SPMIP1: variants seen among roughly 807,000 people sequenced by gnomAD.
SPMIP1 encodes protein SPMIP1.
chr7:128,866,835 G>A, the SPMIP1 span: 19 of 1,528,950 alleles, frequency 1.2e-5, no homozygotes, highest in Non-Finnish European at 1.5e-5. Flanking sequence ...AGCTGGGTGA[G>A]CCCAACCTCT....
At chr7:128,867,834 T>C in the SPMIP1 span, among the ~76,000 whole-genome samples, 1 of 152,152 alleles carries the variant, frequency 6.6e-6, no homozygotes, top group East Asian at 1.9e-4. Context: ...CCTCCCAAAG[T>C]TCTGGGATTA....
the SPMIP1 span, chr7:128,869,487 C>CG: frequency 6.6e-6 from 1 of 152,316 alleles, no homozygotes; most frequent in African/African-American, 2.4e-5. Flanking sequence ...GGGAGCCCCA[C>CG]GGGGTGAACC....
chr7:128,870,139 CCTT>C, the SPMIP1 span: 2 of 152,264 alleles, frequency 1.3e-5, no homozygotes, highest in Non-Finnish European at 2.9e-5. Flanking sequence ...GCGTGGTAGT[CCTT>C]CTCCGGAGGT....
At chr7:128,868,645 G>A in the SPMIP1 span, 2 of 1,494,676 alleles carry the variant, frequency 1.3e-6, no homozygotes, top group East Asian at 2.5e-5. Flanking sequence ...CCCATGCTTG[G>A]CCTCTGACAT....
chr7:128,866,352 C>T, the SPMIP1 span: 1 of 1,366,690 alleles, frequency 7.3e-7, no homozygotes. Flanking sequence ...AAGCACTCTG[C>T]TTGCTGTGCT....
the SPMIP1 span, chr7:128,866,606 C>T: frequency 1.9e-5 from 29 of 1,533,512 alleles, no homozygotes; most frequent in Non-Finnish European, 2.4e-5. Context: ...TCACCCCCAC[C>T]CGCCCCCAAG....
At chr7:128,868,572 C>T in the SPMIP1 span, 1 of 703,338 alleles carries the variant, frequency 1.4e-6, no homozygotes, top group South Asian at 2.1e-5. Context: ...ACTCCACTGA[C>T]GGATTCCTAG....
the SPMIP1 span, chr7:128,868,872 C>G: frequency 2.6e-6 from 2 of 777,988 alleles, no homozygotes; most frequent in South Asian, 3.6e-5. Flanking sequence ...TCTGCTCTCC[C>G]TGTCCCTGAG....
the SPMIP1 span, chr7:128,871,361 G>A: frequency 6.6e-6 from 1 of 152,178 alleles, no homozygotes; most frequent in Non-Finnish European, 1.5e-5. Context: ...GCCCTGGTGT[G>A]CCCATCAGGC....
chr7:128,868,906 C>T, the SPMIP1 span: 1 of 600,352 alleles, frequency 1.7e-6, no homozygotes, highest in Non-Finnish European at 2.9e-6. Flanking sequence ...CTTTCTGAAA[C>T]TATCAGACCT....
At chr7:128,868,708 G>T in the SPMIP1 span, 1 of 1,535,894 alleles carries the variant, frequency 6.5e-7, no homozygotes, top group Non-Finnish European at 8.7e-7. Context: ...AAGATGTGCC[G>T]CATTGAGTCA....
At chr7:128,868,636 C>T in the SPMIP1 span, 31 of 1,444,600 alleles carry the variant, frequency 2.1e-5, no homozygotes, top group Middle Eastern at 2.1e-3. Context: ...CCTCAGGAAC[C>T]CATGCTTGGC....
the SPMIP1 span, chr7:128,866,782 C>T: frequency 7.7e-5 from 118 of 1,535,892 alleles, no homozygotes; most frequent in Non-Finnish European, 9.8e-5. Flanking sequence ...GCCAGAGACG[C>T]GATACCTCTT....
At chr7:128,868,528 C>T in the SPMIP1 span, 1 of 558,532 alleles carries the variant, frequency 1.8e-6, no homozygotes, top group Non-Finnish European at 3.2e-6. Flanking sequence ...CCCATTCCTC[C>T]AAAGCACTTT....
chr7:128,868,693 C>T, the SPMIP1 span: 1 of 1,535,840 alleles, frequency 6.5e-7, no homozygotes, highest in Non-Finnish European at 8.7e-7. Context: ...GAACTGGTCT[C>T]CTGCAAGATG....
chr7:128,866,952 C>T, the SPMIP1 span: 2 of 968,970 alleles, frequency 2.1e-6, no homozygotes, highest in Non-Finnish European at 1.5e-6. Context: ...GAAGTGTCGA[C>T]ACGTTCCACA....
the SPMIP1 span, chr7:128,870,492 G>A: frequency 6.6e-6 from 1 of 150,904 alleles, no homozygotes; most frequent in Admixed American, 6.6e-5. Flanking sequence ...CTTACGCTGA[G>A]GGGTCTCCGC....
the SPMIP1 span, chr7:128,866,430 A>G: frequency 1.3e-6 from 2 of 1,530,938 alleles, no homozygotes. Context: ...AGCTCAACAT[A>G]GACGCGTTAC....
chr7:128,868,539 C>A, the SPMIP1 span: 1 of 562,534 alleles, frequency 1.8e-6, no homozygotes, highest in South Asian at 2.6e-5. Context: ...AAAGCACTTT[C>A]TATTTCTTCC....
Sources: gnomAD v4.1 joint callset for allele counts (sites outside exome capture counted in the v4.1 genomes callset) on GRCh38, gnomAD v4.1.1 for gene constraint, MANE v1.5 for transcripts, NCBI Gene and HGNC (gene_info 2026-07-23, HGNC 2026-07-21) for gene names.